The following MRTFA variants were observed in gnomAD, a reference collection of about 807,000 sequenced individuals.
The protein encoded by MRTFA is myocardin related transcription factor A.
A neutral mutation model predicts 83.5 loss-of-function variants in MRTFA; 20 were observed. That is an observed-to-expected ratio of 0.24 (90% CI 0.17 to 0.35). The LOEUF (loss-of-function observed/expected upper bound fraction) is 0.35, where lower values mean the gene tolerates loss of function less well. Ranked by LOEUF, MRTFA falls within the 10% of genes least tolerant of loss-of-function variation. The probability of loss-of-function intolerance (pLI) is 1.00; values close to 1 mark genes in which losing one functional copy is unlikely to be tolerated. For missense variants in MRTFA, 1,200 were observed against 1,224.7 expected (o/e 0.98, Z 0.30); for synonymous variants, 659 against 541.2 (o/e 1.22, Z -3.02).
chr22:40,463,490 G>A (rs2053753189), intron 3 of MRTFA: 3 of 536,020 alleles, frequency 5.6e-6, no homozygotes, highest in Non-Finnish European at 1.0e-5. Context: ...GTGAGAGGAA[G>A]TTGCGAAGGG....
intron 2 of MRTFA, among the ~76,000 whole-genome samples, chr22:40,552,796 G>A (rs530928584): frequency 5.3e-4 from 81 of 152,284 alleles, no homozygotes; most frequent in African/African-American, 1.9e-3. Flanking sequence ...TGATAGAGTG[G>A]GATGCTGCTA....
chr22:40,480,798 GA>G (rs2054076906), intron 3 of MRTFA, among the ~76,000 whole-genome samples: 1 of 144,984 alleles, frequency 6.9e-6, no homozygotes, highest in African/African-American at 2.6e-5. Context: ...CACCAGGCTG[GA>G]GTGCAGTGGC....
At chr22:40,430,322 T>C (rs1373841534) in intron 6 of MRTFA, among the ~76,000 whole-genome samples, 2 of 151,282 alleles carry the variant, frequency 1.3e-5, no homozygotes, top group East Asian at 4.0e-4. Flanking sequence ...ACTCTGTCTG[T>C]ACTAAAAATA....
rs531815758 is a variant in MRTFA at position 40,424,252 on chromosome 22, C to T, written c.731G>A (p.Arg244Gln). 8.1e-6 allele frequency: 13 copies of T among 1,607,370 alleles called. No homozygotes were observed. The highest frequency in any genetic ancestry group is 1.3e-5 in the African/African-American group (1 of 74,646). The change falls in exon 8 of 15, where the codon CGA becomes CAA. Residue 244 changes from arginine (R) to glutamine (Q), a missense_variant. Physicochemically the swap from Arg to Gln is conservative, Grantham distance 43. Around this residue, in one of 2 missense-constraint regions of MRTFA, gnomAD observed 1,107 missense variants for 1,041.8 expected, o/e 1.06. Coordinates refer to ENST00000355630, the MANE Select transcript of MRTFA (RefSeq NM_020831.6). ...GGCACTGAGCAGTGGTTCGCTGACT[C>T]GGGCCTCCAGGGGTGACGGCACAGA...
intron 5 of MRTFA, among the ~76,000 whole-genome samples, chr22:40,435,156 G>A (rs1008002231): frequency 2.6e-5 from 4 of 152,202 alleles, no homozygotes; most frequent in African/African-American, 7.2e-5. Context: ...TCTACAAAAC[G>A]TTAAGTGGAA....
intron 3 of MRTFA, among the ~76,000 whole-genome samples, chr22:40,528,652 G>A (rs749689488): frequency 5.9e-5 from 9 of 151,300 alleles, no homozygotes; most frequent in Middle Eastern, 3.4e-3. Context: ...CAGGAGAATC[G>A]CTTGAACTCG....
intron 1 of MRTFA, among the ~76,000 whole-genome samples, chr22:40,605,705 G>A (rs2147403151): frequency 6.6e-6 from 1 of 152,176 alleles, no homozygotes; most frequent in African/African-American, 2.4e-5. Context: ...TTTTGGCCAG[G>A]GAAAATCATC....
intron 14 of MRTFA, 121 bp from the exon 15 acceptor site, chr22:40,412,028 C>T: frequency 2.4e-6 from 2 of 829,332 alleles, no homozygotes; most frequent in East Asian, 2.9e-5. Flanking sequence ...GGATCAAAGA[C>T]TTACTTAAAT....
At chr22:40,555,919 G>A (rs1040724329) in intron 2 of MRTFA, among the ~76,000 whole-genome samples, 6 of 152,010 alleles carry the variant, frequency 3.9e-5, no homozygotes, top group African/African-American at 7.2e-5. Context: ...GATTACAGGC[G>A]TGAGCCACCA....
chr22:40,481,953 G>A (rs551042252), intron 3 of MRTFA, among the ~76,000 whole-genome samples: 26 of 151,936 alleles, frequency 1.7e-4, no homozygotes, highest in African/African-American at 4.8e-4. Flanking sequence ...CCAGCTACTC[G>A]GGAGGCTGAG....
At chr22:40,443,914 C>T (rs2053328435) in intron 4 of MRTFA, among the ~76,000 whole-genome samples, 3 of 152,180 alleles carry the variant, frequency 2.0e-5, no homozygotes, top group Non-Finnish European at 4.4e-5. Context: ...CCATGACTTT[C>T]GCCACTGCCC....
intron 3 of MRTFA, among the ~76,000 whole-genome samples, chr22:40,519,875 T>G (rs1175239632): frequency 1.3e-5 from 2 of 152,172 alleles, no homozygotes; most frequent in African/African-American, 4.8e-5. Context: ...TAATAAGAGA[T>G]AAGATAATTT....
intron 2 of MRTFA, among the ~76,000 whole-genome samples, chr22:40,553,429 G>A (rs1022743745): frequency 2.6e-5 from 4 of 152,174 alleles, no homozygotes; most frequent in African/African-American, 9.6e-5. Context: ...CTCAGGACAT[G>A]GTGCCCTGAG....
At chr22:40,509,982 T>TTAAAAAAAAAA (rs1555989265) in intron 3 of MRTFA, among the ~76,000 whole-genome samples, 4 of 108,108 alleles carry the variant, frequency 3.7e-5, no homozygotes, top group South Asian at 2.7e-4. Context: ...CCAAGTACTT[T>TTAAAAAAAAAA]AAAAAAAAAA....
Position 40,456,673 on chromosome 22 carries a change from C to A in MRTFA, c.307+6548G>T, listed in dbSNP as rs570247767. On this transcript the variant is annotated intron_variant, in intron 4 of 14. Transcript: ENST00000355630. Reference sequence around the variant, plus strand: ...CTGCACTCCAGCCTGGATAACAGAACCAGATCCTGTCTCAAAAATATATAT... The same window carrying A: ...CTGCACTCCAGCCTGGATAACAGAAACAGATCCTGTCTCAAAAATATATAT... Among the ~76,000 whole-genome samples the A allele has an allele frequency of 4.6e-5, 7 of 152,172 alleles. No individual in the cohort carries two copies. The East Asian group carries it at 1.2e-3, about 25-fold the overall frequency.
intron 2 of MRTFA, among the ~76,000 whole-genome samples, chr22:40,579,937 CT>C (rs2055922394): frequency 6.6e-6 from 1 of 151,238 alleles, no homozygotes. Flanking sequence ...AACCCATGCA[CT>C]TTTAGTAAGA....
intron 1 of MRTFA, among the ~76,000 whole-genome samples, chr22:40,604,126 TTC>T (rs1294345762): frequency 1.3e-5 from 2 of 151,672 alleles, no homozygotes; most frequent in Admixed American, 1.3e-4. Context: ...AGCTGTTAGT[TTC>T]TTTTTTTTTT....
chr22:40,468,719 C>T (rs1196072070), intron 3 of MRTFA, among the ~76,000 whole-genome samples: 1 of 152,196 alleles, frequency 6.6e-6, no homozygotes, highest in Non-Finnish European at 1.5e-5. Context: ...AACAGTGCTG[C>T]ATTTGAAAAT....
At chr22:40,528,656 G>A (rs2055021024) in intron 3 of MRTFA, among the ~76,000 whole-genome samples, 1 of 150,602 alleles carries the variant, frequency 6.6e-6, no homozygotes, top group African/African-American at 2.5e-5. Context: ...AGAATCGCTT[G>A]AACTCGGGAG....
Sources: gnomAD v4.1 joint callset for allele counts (sites outside exome capture counted in the v4.1 genomes callset) on GRCh38, gnomAD v4.1.1 for gene constraint, gnomAD v4.1.1 regional missense constraint, MANE v1.5 for transcripts, NCBI Gene and HGNC (gene_info 2026-07-23, HGNC 2026-07-21) for gene names.